The following XRRA1 variants were observed in gnomAD, a reference collection of about 807,000 sequenced individuals.
The protein encoded by XRRA1 is X-ray radiation resistance associated 1.
XRRA1 carries 69 observed loss-of-function variants against 80.2 expected under a neutral mutation model. The observed-to-expected ratio is 0.86, with a 90% confidence interval of 0.71 to 1.05. The LOEUF (loss-of-function observed/expected upper bound fraction) is 1.05, where lower values mean the gene tolerates loss of function less well. Among genes scored for constraint, XRRA1 ranks in the 50% least tolerant of loss-of-function variants. The pLI, the probability that XRRA1 is intolerant of heterozygous loss-of-function variation, is 0.00. For missense variants in XRRA1, 967 were observed against 976.4 expected, an observed-to-expected ratio of 0.99 and a Z score of 0.13; for synonymous variants, 348 against 389.9, an observed-to-expected ratio of 0.89 and a Z score of 1.27.
At chr11:74,848,072 G>A in intron 15 of XRRA1, 43 bp downstream of exon 15, 1 of 1,549,236 alleles carries the variant, frequency 6.5e-7, no homozygotes, top group East Asian at 2.3e-5. Context: ...AGGAACCTGT[G>A]GGAGCTAGCA....
At chr11:74,851,343 T>A in intron 13 of XRRA1, 140 bp from the exon 14 acceptor site, 1 of 553,366 alleles carries the variant, frequency 1.8e-6, no homozygotes. Context: ...CGAGAATTCC[T>A]ACCTCCTAGG....
chr11:74,893,920 C>CAATCT (rs1244769556), intron 10 of XRRA1, among the ~76,000 whole-genome samples: 5 of 152,182 alleles, frequency 3.3e-5, no homozygotes, highest in Admixed American at 1.3e-4. Flanking sequence ...GGATATAAAT[C>CAATCT]AATCTATTAC....
At chr11:74,882,422 T>A (rs1322351682) in intron 10 of XRRA1, among the ~76,000 whole-genome samples, 1 of 151,636 alleles carries the variant, frequency 6.6e-6, no homozygotes, top group African/African-American at 2.4e-5. Flanking sequence ...TAAATTTTTT[T>A]CAAAGTTTTC....
At chr11:74,882,607 T>C (rs2047933989) in intron 10 of XRRA1, among the ~76,000 whole-genome samples, 1 of 152,214 alleles carries the variant, frequency 6.6e-6, no homozygotes, top group South Asian at 2.1e-4. Flanking sequence ...AGTTTCCAGT[T>C]TTTCTGTTGT....
chr11:74,919,916 C>T (rs1940132769), intron 8 of XRRA1: 5 of 337,060 alleles, frequency 1.5e-5, no homozygotes, highest in South Asian at 1.5e-4. Flanking sequence ...ACCTATGTAC[C>T]TGTTACCACT....
intron 8 of XRRA1, among the ~76,000 whole-genome samples, chr11:74,916,810 T>G (rs1416518954): frequency 2.6e-5 from 4 of 152,142 alleles, no homozygotes; most frequent in African/African-American, 7.2e-5. Context: ...GTTTGCTGGG[T>G]TTTTTTGTTT....
At chr11:74,893,264 T>G (rs926610169) in intron 10 of XRRA1, among the ~76,000 whole-genome samples, 3 of 152,214 alleles carry the variant, frequency 2.0e-5, no homozygotes, top group East Asian at 1.9e-4. Flanking sequence ...TAGGGACATG[T>G]ATGAAGCTGG....
At chr11:74,935,660 A>G (rs1944791206) in intron 4 of XRRA1, among the ~76,000 whole-genome samples, 1 of 152,206 alleles carries the variant, frequency 6.6e-6, no homozygotes, top group Non-Finnish European at 1.5e-5. Flanking sequence ...CAGAGAGAGT[A>G]AAGTAGATAC....
intron 8 of XRRA1, chr11:74,911,204 G>T (rs1308772124): frequency 6.6e-6 from 1 of 152,162 alleles, no homozygotes; most frequent in Non-Finnish European, 1.5e-5. Flanking sequence ...TGAGTGGGAA[G>T]AAAATAATGA....
intron 18 of XRRA1, 106 bp from the exon 19 acceptor site, chr11:74,843,559 C>A: frequency 6.9e-7 from 1 of 1,455,554 alleles, no homozygotes; most frequent in South Asian, 1.4e-5. Flanking sequence ...GATGGTGTGG[C>A]AGGAGGATGC....
At position 74,910,729 on chromosome 11, in the gene XRRA1, T is replaced by G. The variant is rs371157136; in HGVS notation, c.657-3456A>C. 2.6e-4 allele frequency: 39 copies of G among 152,394 alleles called. 1 individual carries two copies. The highest frequency in any genetic ancestry group is 8.4e-4 in the African/African-American group (35 of 41,560). The allele number at this position is 152,394 out of a possible 1,614,324, so 9.4% of individuals were successfully genotyped here. On this transcript the variant is annotated intron_variant, in intron 8 of 18. Coordinates refer to ENST00000684022, the MANE Select transcript of XRRA1 (RefSeq NM_001378157.1). ...TGCATTTCAGAAAGATCACTCTGGC[T>G]GACAGATAGGAGGATGGGCTGGGAG...
intron 2 of XRRA1, among the ~76,000 whole-genome samples, chr11:74,942,524 A>G (rs1032855474): frequency 6.6e-6 from 1 of 152,220 alleles, no homozygotes; most frequent in Admixed American, 6.5e-5. Context: ...GTAGGGGGAC[A>G]TGTGCTCTCT....
chr11:74,852,372 A>G (rs2040089519), intron 12 of XRRA1, among the ~76,000 whole-genome samples: 1 of 152,208 alleles, frequency 6.6e-6, no homozygotes, highest in Admixed American at 6.5e-5. Context: ...TGTAGCCTAC[A>G]TCAAATACTA....
chr11:74,848,297 C>A lies in XRRA1; in HGVS notation c.1546G>T (p.Glu516Ter). 6.2e-7 allele frequency: 1 copy of A among 1,613,886 alleles called. No individual in the cohort carries two copies. The highest frequency in any genetic ancestry group is 8.5e-7 in the Non-Finnish European group (1 of 1,179,844). The change falls in exon 15 of 19, where the codon GAG becomes TAG. Residue 516 changes from glutamate (E) to a stop codon, truncating the protein, a stop_gained. Coordinates refer to ENST00000684022, the MANE Select transcript of XRRA1 (RefSeq NM_001378157.1). LOFTEE classifies it high-confidence loss of function. ...STSVESEMPT[E>*]NLEGHSPSCR... The stretch of plus-strand genomic sequence containing the variant: ...GACGGGGAATGGCCTTCCAGGTTCT[C>A]AGTGGGCATCTCTGACTCCACAGAA...
intron 10 of XRRA1, among the ~76,000 whole-genome samples, chr11:74,880,688 C>T (rs954022399): frequency 6.6e-6 from 1 of 150,952 alleles, no homozygotes. Context: ...TTTCAAAGAA[C>T]ATCTTTATTT....
At chr11:74,884,127 G>T (rs897508313) in intron 10 of XRRA1, among the ~76,000 whole-genome samples, 4 of 152,000 alleles carry the variant, frequency 2.6e-5, no homozygotes, top group Non-Finnish European at 5.9e-5. Context: ...TGAACCCACT[G>T]CACTCCATCC....
At chr11:74,868,617 A>G (rs1323010719) in intron 10 of XRRA1, among the ~76,000 whole-genome samples, 1 of 152,154 alleles carries the variant, frequency 6.6e-6, no homozygotes, top group African/African-American at 2.4e-5. Context: ...ATGTGATGAC[A>G]CCCATAGGCT....
At chr11:74,930,995 T>C (rs1397191609) in intron 5 of XRRA1, among the ~76,000 whole-genome samples, 1 of 151,918 alleles carries the variant, frequency 6.6e-6, no homozygotes, top group Non-Finnish European at 1.5e-5. Context: ...TTAGCTGAGA[T>C]GGGGTTTTGC....
chr11:74,929,313 C>T (rs76698163), intron 6 of XRRA1, among the ~76,000 whole-genome samples: 3,413 of 152,160 alleles, frequency 0.022, 137 homozygotes, highest in African/African-American at 0.078. Context: ...TCTCAATCCT[C>T]TGCACCCTTC....
Sources: allele counts gnomAD v4.1 joint callset (sites outside exome capture counted in the v4.1 genomes callset), GRCh38; gene constraint gnomAD v4.1.1; transcripts MANE v1.5; gene names NCBI Gene and HGNC (gene_info 2026-07-23, HGNC 2026-07-21).